The following TCEA2 variants were observed in gnomAD, a reference collection of about 807,000 sequenced individuals.
The protein encoded by TCEA2 is transcription elongation factor A2.
TCEA2 carries 21 observed loss-of-function variants against 40.8 expected under a neutral mutation model. The ratio of observed to expected loss-of-function variants is 0.51; its 90% CI spans 0.36 to 0.74. TCEA2 has a LOEUF of 0.74. Among genes scored for constraint, TCEA2 ranks in the 30% least tolerant of loss-of-function variants. The pLI is 0.00. For missense variants in TCEA2, 326 were observed against 426.5 expected (o/e 0.76, Z 2.08); for synonymous variants, 165 against 162.7 (o/e 1.01, Z -0.11).
chr20:64,065,174 C>T (rs1046760404), intron 1 of TCEA2, among the ~76,000 whole-genome samples: 1 of 152,116 alleles, frequency 6.6e-6, no homozygotes, highest in Admixed American at 6.5e-5. Flanking sequence ...CACTGAGAGC[C>T]ACGTAAGCAG....
upstream of TCEA2, among the ~76,000 whole-genome samples, chr20:64,058,324 A>G (rs1305169126): frequency 6.6e-6 from 1 of 151,948 alleles, no homozygotes; most frequent in Non-Finnish European, 1.5e-5. This position sits in a 1 kb window ranked among gnomAD's most constrained non-coding sequence, Gnocchi z 6.7. Context: ...CACGGCTGAC[A>G]CCCCTTCCTG....
intron 8 of TCEA2, 145 bp downstream of exon 8, chr20:64,070,780 A>G: frequency 8.6e-7 from 1 of 1,163,888 alleles, no homozygotes; most frequent in Non-Finnish European, 1.2e-6. Flanking sequence ...CATGATGGCC[A>G]CCTTCAGGGA....
upstream of TCEA2, among the ~76,000 whole-genome samples, chr20:64,058,736 T>C (rs2145432568): frequency 6.6e-6 from 1 of 152,340 alleles, no homozygotes; most frequent in Admixed American, 6.5e-5. This position sits in a 1 kb window ranked among gnomAD's most constrained non-coding sequence, Gnocchi z 6.7. Context: ...GAACAAGATG[T>C]GACTCACTGA....
intron 1 of TCEA2, chr20:64,066,189 A>G (rs1226535758): frequency 8.8e-6 from 3 of 342,240 alleles, no homozygotes; most frequent in Non-Finnish European, 1.6e-5. Flanking sequence ...GGTGGTTACA[A>G]CGAAGTCAGT....
intron 1 of TCEA2, among the ~76,000 whole-genome samples, chr20:64,064,857 A>G (rs1397896419): frequency 6.7e-6 from 1 of 148,164 alleles, no homozygotes; most frequent in Non-Finnish European, 1.5e-5. Flanking sequence ...TCCAGAGATG[A>G]CCCGAGAATG....
chr20:64,063,465 G>A, intron 1 of TCEA2, 81 bp downstream of exon 1: 1 of 1,459,288 alleles, frequency 6.9e-7, no homozygotes, highest in Non-Finnish European at 9.3e-7. Context: ...CGTTAGGGCC[G>A]GAAGACGACC....
In TCEA2 at chr20:64,070,642, G is replaced by A. The variant is rs939412948; in HGVS notation, c.819+7G>A. 1.4e-5 allele frequency: 22 copies of A among 1,554,628 alleles called. No homozygotes were observed. The East Asian group carries it at 3.1e-4, about 22-fold the overall frequency. ...GAACTGCACCTACACACAGGTGAGC[G>A]GCCGCTGGGCACCCTCCCCCGGGCC... On this transcript the variant is annotated splice_region_variant and intron_variant, in intron 8 of 9. Coordinates refer to ENST00000343484, the MANE Select transcript of TCEA2 (RefSeq NM_003195.6).
At position 64,070,309 on chromosome 20, in the gene TCEA2, A is replaced by G. The variant is rs745701504; in HGVS notation, c.567A>G (p.Val189=). ...CAGACATGAAGTATAAGAACCGTGT[A>G]CGGAGTCGTATCTCCAACCTGAAGG... The part of the protein sequence containing the change: ...GNTDMKYKNR[V]RSRISNLKDA... Residue 189 remains valine (V), a synonymous_variant, in exon 7 of 10, where the codon GTA becomes GTG. Coordinates refer to ENST00000343484, the MANE Select transcript of TCEA2 (RefSeq NM_003195.6). 1.1e-5 allele frequency: 18 copies of G among 1,614,230 alleles called. No homozygotes were observed. Among genetic ancestry groups the G allele is most frequent in the African/African-American group, 1.3e-5 (1 of 75,074 alleles).
upstream of TCEA2, among the ~76,000 whole-genome samples, chr20:64,060,177 A>G (rs2059534563): frequency 6.6e-6 from 1 of 152,200 alleles, no homozygotes; most frequent in African/African-American, 2.4e-5. Flanking sequence ...CCTCCTGCCC[A>G]GGAGGGGCCT....
At position 64,069,379 on chromosome 20, in the gene TCEA2, G is replaced by T. The variant is rs1368749946; in HGVS notation, c.348G>T (p.Leu116=). 3 of 1,597,952 alleles carry T rather than the reference G, an allele frequency of 1.9e-6. No homozygotes were observed. The highest frequency in any genetic ancestry group is 2.6e-6 in the Non-Finnish European group (3 of 1,172,448). Residue 116 remains leucine (L), a synonymous_variant, in exon 5 of 10, where the codon CTG becomes CTT. Coordinates refer to ENST00000343484, the MANE Select transcript of TCEA2 (RefSeq NM_003195.6). ...TCTGCAGCCGCAAGAGGCCGGAGCT[G>T]CCCAGGGCACCGTCGACTCCGAGGA... ...APDPSRKRPE[L]PRAPSTPRIT... is the part of the protein sequence containing the mutation.
chr20:64,065,791 G>C lies in TCEA2; in HGVS notation c.73-685G>C, dbSNP rs144218971. ...GCGAGGGGTGCTGGCCTGCTTGGGG[G>C]CAACTCAGAGGCCTGGAGGATAGAT... On this transcript the variant is annotated intron_variant, in intron 1 of 9. Transcript: ENST00000343484. The C allele has an allele frequency of 8.0e-3, 1,221 of 152,736 alleles. 17 individuals carry two copies. The highest frequency in any genetic ancestry group is 0.027 in the African/African-American group (1,123 of 41,550). The allele number at this position is 152,736 out of a possible 1,614,324, so 9.5% of individuals were successfully genotyped here.
chr20:64,063,097 C>CGCGGGCGCGGCGGGCGCG (rs1209039751), upstream of TCEA2: 3 of 288,562 alleles, frequency 1.0e-5, no homozygotes, highest in African/African-American at 6.7e-5. Flanking sequence ...TGGTCCAGAG[C>CGCGGGCGCGGCGGGCGCG]GCGGGCGCGG....
upstream of TCEA2, among the ~76,000 whole-genome samples, chr20:64,055,818 T>G (rs967805759): frequency 8.6e-5 from 13 of 152,004 alleles, no homozygotes; most frequent in African/African-American, 3.1e-4. The surrounding 1 kb of genome is among the most constrained non-coding windows in gnomAD (Gnocchi z 4.0). Flanking sequence ...CAAGGTTTGC[T>G]CTCAGACCCC....
At chr20:64,062,035 G>A (rs575472664), upstream of TCEA2, among the ~76,000 whole-genome samples, 61 of 152,244 alleles carry the variant, frequency 4.0e-4, no homozygotes, top group Non-Finnish European at 1.2e-4. Flanking sequence ...CGGCTAAGAT[G>A]AGTCTCTTAA....
chr20:64,064,520 C>A (rs573709095), intron 1 of TCEA2, among the ~76,000 whole-genome samples: 1 of 152,314 alleles, frequency 6.6e-6, no homozygotes, highest in South Asian at 2.1e-4. Context: ...GCTTTCCCAC[C>A]CAGACTGTGA....
intron 1 of TCEA2, 138 bp downstream of exon 1, chr20:64,063,522 C>T (rs1235507545): frequency 3.0e-6 from 3 of 1,010,980 alleles, no homozygotes; most frequent in Non-Finnish European, 4.3e-6. Context: ...AACCGGGACG[C>T]AGGGGAGACC....
upstream of TCEA2, chr20:64,062,624 C>T (rs1306125155): frequency 6.6e-6 from 1 of 152,320 alleles, no homozygotes; most frequent in East Asian, 1.9e-4. Context: ...ACTTCGCGAA[C>T]CCCAGCAATG....
upstream of TCEA2, among the ~76,000 whole-genome samples, chr20:64,055,976 C>T (rs1210417296): frequency 6.6e-6 from 1 of 152,084 alleles, no homozygotes; most frequent in Non-Finnish European, 1.5e-5. This position sits in a 1 kb window ranked among gnomAD's most constrained non-coding sequence, Gnocchi z 4.0. Flanking sequence ...TGCCTGGGGC[C>T]TCTGGGGAAG....
upstream of TCEA2, among the ~76,000 whole-genome samples, chr20:64,055,869 G>T (rs1397925926): frequency 6.6e-6 from 1 of 152,130 alleles, no homozygotes; most frequent in East Asian, 1.9e-4. This position sits in a 1 kb window ranked among gnomAD's most constrained non-coding sequence, Gnocchi z 4.0. Flanking sequence ...CTCTCTGGGA[G>T]GCCTGGGCCC....
Sources: gnomAD v4.1 joint callset for allele counts (sites outside exome capture counted in the v4.1 genomes callset) on GRCh38, gnomAD v4.1.1 for gene constraint, Gnocchi (gnomAD v3.1) non-coding constraint, MANE v1.5 for transcripts, NCBI Gene and HGNC (gene_info 2026-07-23, HGNC 2026-07-21) for gene names.